SLC31A1: variants seen among roughly 807,000 people sequenced by gnomAD.
SLC31A1 encodes solute carrier family 31 member 1, also known as high affinity copper uptake protein 1.
Under a neutral mutation model 17.2 loss-of-function variants are expected in SLC31A1, and 5 were observed. The ratio of observed to expected loss-of-function variants is 0.29; its 90% confidence interval spans 0.15 to 0.61. The LOEUF is 0.61. SLC31A1 is among the 20% of genes least tolerant of loss of function. SLC31A1 has a pLI of 0.86. For synonymous variants in SLC31A1, 76 were observed against 78.8 expected (o/e 0.96, Z 0.19); for missense variants, 161 against 241.4 (o/e 0.67, Z 2.21).
intron 1 of SLC31A1, among the ~76,000 whole-genome samples, chr9:113,252,117 T>C (rs1831660968): frequency 6.6e-6 from 1 of 152,198 alleles, no homozygotes; most frequent in African/African-American, 2.4e-5. Flanking sequence ...GGGTCACTGA[T>C]ATGTCTGAAG....
intron 1 of SLC31A1, among the ~76,000 whole-genome samples, chr9:113,249,773 C>T (rs1831625004): frequency 6.6e-6 from 1 of 152,024 alleles, no homozygotes; most frequent in South Asian, 2.1e-4. Flanking sequence ...TCGCAACCTA[C>T]TCATCTGACA....
At chr9:113,257,478 ATTT>A (rs532189321) in intron 3 of SLC31A1, among the ~76,000 whole-genome samples, 128 of 101,150 alleles carry the variant, frequency 1.3e-3, no homozygotes, top group African/African-American at 4.1e-3. Context: ...AGAGTGTTTA[ATTT>A]TTTTTTTTTT....
intron 1 of SLC31A1, among the ~76,000 whole-genome samples, chr9:113,253,958 C>CT (rs397967653): frequency 0.11 from 12,488 of 109,986 alleles, 1,148 homozygotes; most frequent in African/African-American, 0.17. Flanking sequence ...TACCCACAGT[C>CT]TTTTTTTTTT....
chr9:113,254,523 A>G (rs1831697832), intron 1 of SLC31A1, among the ~76,000 whole-genome samples: 2 of 152,104 alleles, frequency 1.3e-5, no homozygotes, highest in African/African-American at 2.4e-5. Flanking sequence ...GACTTGAGGG[A>G]CACATAAAGA....
In SLC31A1 at chr9:113,262,797, G is replaced by C. The variant is rs191190540; in HGVS notation, c.*2324G>C. On this transcript the variant is annotated 3_prime_UTR_variant, in exon 5 of 5. Transcript: ENST00000374212. ...AATAAATAGGAATCAATAGTTAGTA[G>C]TGACATTGGTGCTCTCTAGAAATCT... is the stretch of plus-strand genomic sequence containing the variant. The C allele has an allele frequency of 6.5e-6, 1 of 152,790 alleles. No homozygotes were observed. Among genetic ancestry groups the C allele is most frequent in the African/African-American group, 2.4e-5 (1 of 41,582 alleles). 9.5% of individuals were successfully genotyped at this position (152,790 alleles called of 1,614,324 possible).
chr9:113,251,633 G>C (rs976924461), intron 1 of SLC31A1, among the ~76,000 whole-genome samples: 2 of 152,104 alleles, frequency 1.3e-5, no homozygotes, highest in Non-Finnish European at 2.9e-5. Flanking sequence ...AGGTGTGTTC[G>C]ATTGCTTTAG....
intron 1 of SLC31A1, among the ~76,000 whole-genome samples, chr9:113,242,275 T>G (rs1305427488): frequency 6.6e-6 from 1 of 152,122 alleles, no homozygotes; most frequent in Non-Finnish European, 1.5e-5. Context: ...TAAGAAACAA[T>G]GTAGGCAAAG....
intron 1 of SLC31A1, among the ~76,000 whole-genome samples, chr9:113,246,654 A>AATTTTT (rs1357065745): frequency 4.0e-5 from 6 of 150,870 alleles, no homozygotes; most frequent in Non-Finnish European, 8.8e-5. Flanking sequence ...CGCGGCCGAT[A>AATTTTT]ATTTTTATTT....
chr9:113,251,863 C>T (rs1160915716), intron 1 of SLC31A1, among the ~76,000 whole-genome samples: 1 of 152,178 alleles, frequency 6.6e-6, no homozygotes, highest in Non-Finnish European at 1.5e-5. Context: ...TTTGAGCCTA[C>T]AGTGTATGTT....
chr9:113,227,646 A>C (rs889764927), intron 1 of SLC31A1: 2 of 152,258 alleles, frequency 1.3e-5, no homozygotes, highest in Admixed American at 6.5e-5. Context: ...ACTGAATAAA[A>C]AAAAGGGAAC....
At chr9:113,237,340 T>C (rs905557160) in intron 1 of SLC31A1, among the ~76,000 whole-genome samples, 6 of 152,212 alleles carry the variant, frequency 3.9e-5, no homozygotes, top group Non-Finnish European at 7.3e-5. Context: ...TTTCATAGAC[T>C]TGTCAGAGCA....
intron 1 of SLC31A1, among the ~76,000 whole-genome samples, chr9:113,247,176 G>C (rs912316438): frequency 6.6e-6 from 1 of 152,138 alleles, no homozygotes; most frequent in Admixed American, 6.5e-5. Context: ...CCAATTATAA[G>C]TAATGACTAC....
chr9:113,243,429 G>T (rs1332254819), intron 1 of SLC31A1, among the ~76,000 whole-genome samples: 1 of 152,142 alleles, frequency 6.6e-6, no homozygotes, highest in African/African-American at 2.4e-5. Flanking sequence ...GATTTGTCTT[G>T]CCTCAACAGG....
intron 1 of SLC31A1, among the ~76,000 whole-genome samples, chr9:113,223,062 TA>T (rs5900046): frequency 1.4e-3 from 211 of 146,792 alleles, no homozygotes; most frequent in South Asian, 2.1e-3. Flanking sequence ...GCCTTTTCTT[TA>T]AAAAAAAAAA....
At chr9:113,256,775 C>T (rs1003170318) in intron 2 of SLC31A1, among the ~76,000 whole-genome samples, 10 of 151,606 alleles carry the variant, frequency 6.6e-5, no homozygotes, top group South Asian at 4.2e-4. Flanking sequence ...GCAGGAGAAT[C>T]GCTTGAACCC....
At chr9:113,257,245 A>G (rs1250891038) in intron 3 of SLC31A1, 60 bp downstream of exon 3, 2 of 1,398,688 alleles carry the variant, frequency 1.4e-6, no homozygotes, top group Non-Finnish European at 2.0e-6. Flanking sequence ...AGTGACAAAT[A>G]ATTTGGAAGT....
At chr9:113,252,245 G>A (rs190364958) in intron 1 of SLC31A1, among the ~76,000 whole-genome samples, 1 of 152,084 alleles carries the variant, frequency 6.6e-6, no homozygotes. Flanking sequence ...TGTTATAAAG[G>A]TTCATCAAGG....
chr9:113,225,888 G>A (rs146687969), intron 1 of SLC31A1, among the ~76,000 whole-genome samples: 82 of 152,162 alleles, frequency 5.4e-4, no homozygotes, highest in African/African-American at 2.0e-3. Context: ...GGTGGCTCCC[G>A]CCTGTAATCC....
At chr9:113,226,147 A>G (rs1222383454) in intron 1 of SLC31A1, among the ~76,000 whole-genome samples, 2 of 152,096 alleles carry the variant, frequency 1.3e-5, no homozygotes, top group Non-Finnish European at 2.9e-5. Flanking sequence ...AAAAAAAAAA[A>G]AAAGAAATAA....
Sources: allele counts gnomAD v4.1 joint callset (sites outside exome capture counted in the v4.1 genomes callset), GRCh38; gene constraint gnomAD v4.1.1; transcripts MANE v1.5; gene names NCBI Gene and HGNC (gene_info 2026-07-23, HGNC 2026-07-21).